PAN2: variants seen among roughly 807,000 people sequenced by gnomAD.
The protein encoded by PAN2 is poly(A) specific ribonuclease subunit PAN2.
PAN2 carries 68 observed loss-of-function variants against 133.3 expected under a neutral mutation model. That is an observed-to-expected ratio of 0.51 (90% CI 0.42 to 0.62). PAN2 has a LOEUF of 0.62. PAN2 is among the 20% of genes least tolerant of loss of function. PAN2 has a pLI of 0.00. For synonymous variants in PAN2, 462 were observed against 544.6 expected (o/e 0.85, Z 2.11); for missense variants, 1,042 against 1,500.5 (o/e 0.69, Z 5.05).
chr12:56,328,770 G>C, intron 2 of PAN2, 129 bp from the exon 3 acceptor site: 1 of 642,264 alleles, frequency 1.6e-6, no homozygotes, highest in Non-Finnish European at 2.7e-6. Flanking sequence ...AGGAGCAACT[G>C]GGGCAAAAGG....
At chr12:56,332,602 A>G (rs1393128375) in intron 2 of PAN2, 145 of 184,088 alleles carry the variant, frequency 7.9e-4, no homozygotes, top group South Asian at 4.6e-3. Context: ...CCTGTCTCGA[A>G]AAAAAAAAAA....
intron 8 of PAN2, among the ~76,000 whole-genome samples, chr12:56,325,971 C>A (rs1231946438): frequency 6.6e-6 from 1 of 152,204 alleles, no homozygotes; most frequent in Non-Finnish European, 1.5e-5. Flanking sequence ...AGCTTAATAC[C>A]CAGCTCTTTC....
Position 56,326,400 on chromosome 12 carries a change from T to C in PAN2, c.1272A>G (p.Pro424=), listed in dbSNP as rs779200134. The C allele has an allele frequency of 2.5e-6, 4 of 1,591,560 alleles. No individual in the cohort carries two copies. Among genetic ancestry groups the C allele is most frequent in the Non-Finnish European group, 3.4e-6 (4 of 1,165,756 alleles). Reference sequence around the variant, plus strand: ...TGCGCAGAATCTCTGCATCCACGGGTGGTGCTCGCCTACAATCCAGCATAG... The same window carrying C: ...TGCGCAGAATCTCTGCATCCACGGGCGGTGCTCGCCTACAATCCAGCATAG... ...ANSAPAPRRA[P]PVDAEILRTM... is the part of the protein sequence containing the mutation. Residue 424 remains proline (P), a synonymous_variant, in exon 8 of 26, where the codon CCA becomes CCG. Coordinates refer to ENST00000440411, the MANE Select transcript of PAN2 (RefSeq NM_014871.6).
Position 56,324,324 on chromosome 12 carries a change from A to G in PAN2, c.1898T>C (p.Ile633Thr). Residue 633 changes from isoleucine (I) to threonine (T), a missense_variant, in exon 12 of 26, where the codon ATA becomes ACA. Ile to Thr is a moderately conservative substitution (Grantham distance 89). This residue lies in a region of PAN2 where 908 missense variants were observed against 1,223.5 expected (regional missense o/e 0.74). Coordinates refer to ENST00000440411, the MANE Select transcript of PAN2 (RefSeq NM_014871.6). ...TCCAGCACCTCGATAAGCCTGTGGT[A>G]TTTCCAGCTCCTGCATATCTTGATG... Reference protein sequence around the residue: ...QLHQDMQELEIPQAYRGAGGS... With the variant: ...QLHQDMQELETPQAYRGAGGS... The G allele has an allele frequency of 6.2e-7, 1 of 1,614,044 alleles. No homozygotes were observed. Among genetic ancestry groups the G allele is most frequent in the Non-Finnish European group, 8.5e-7 (1 of 1,180,024 alleles).
At chr12:56,328,176 C>T in intron 4 of PAN2, 62 bp downstream of exon 4, 1 of 1,596,626 alleles carries the variant, frequency 6.3e-7, no homozygotes, top group Non-Finnish European at 8.6e-7. Context: ...CCAGCCCAAG[C>T]ATACCCTGCC....
chr12:56,322,357 G>A (rs929700580), intron 19 of PAN2, 66 bp downstream of exon 19: 2 of 1,328,800 alleles, frequency 1.5e-6, no homozygotes, highest in African/African-American at 1.4e-5. Flanking sequence ...ATTCTATAGA[G>A]CCCTAAAGAT....
intron 2 of PAN2, among the ~76,000 whole-genome samples, chr12:56,331,701 T>C (rs964928958): frequency 4.5e-5 from 1 of 22,386 alleles, no homozygotes; most frequent in African/African-American, 5.8e-5. Context: ...AAGGACAGCG[T>C]TTTTTTTTTT....
intron 7 of PAN2, 54 bp downstream of exon 7, chr12:56,326,563 A>G (rs1024785083): frequency 1.1e-5 from 17 of 1,544,236 alleles, no homozygotes; most frequent in Admixed American, 5.9e-5. Flanking sequence ...GAATTCTGGT[A>G]TCTTGGCCCT....
At chr12:56,326,499 A>C in intron 7 of PAN2, 90 bp from the exon 8 acceptor site, 1 of 1,510,144 alleles carries the variant, frequency 6.6e-7, no homozygotes, top group African/African-American at 1.4e-5. Flanking sequence ...AAAAGAAAAT[A>C]CTGAAGGTAG....
chr12:56,330,862 G>T (rs943507847), intron 2 of PAN2, among the ~76,000 whole-genome samples: 8 of 151,878 alleles, frequency 5.3e-5, no homozygotes, highest in African/African-American at 1.7e-4. Flanking sequence ...GCAGTGGTGT[G>T]ATCTCAGCTC....
At chr12:56,326,981 A>T in intron 6 of PAN2, 22 bp from the exon 7 acceptor site, 1 of 1,591,890 alleles carries the variant, frequency 6.3e-7, no homozygotes, top group Non-Finnish European at 8.6e-7. Flanking sequence ...GAAGAAACCC[A>T]CTGAGCCCTA....
intron 16 of PAN2, 31 bp downstream of exon 16, chr12:56,323,280 A>G (rs1453258360): frequency 1.9e-5 from 31 of 1,613,884 alleles, no homozygotes; most frequent in Non-Finnish European, 2.5e-5. Context: ...GGGCAATTCA[A>G]TCCTTTGACA....
At chr12:56,322,585 A>G in intron 18 of PAN2, 30 bp downstream of exon 18, 1 of 1,613,794 alleles carries the variant, frequency 6.2e-7, no homozygotes, top group African/African-American at 1.3e-5. Context: ...CCATCCCAGG[A>G]GTGTTCCTGC....
At chr12:56,320,077 A>G in intron 20 of PAN2, 56 bp from the exon 21 acceptor site, 1 of 1,560,556 alleles carries the variant, frequency 6.4e-7, no homozygotes, top group Non-Finnish European at 8.8e-7. Flanking sequence ...ACTAGGGGAG[A>G]GAAGCCCAGT....
At position 56,333,182 on chromosome 12, in the gene PAN2, C is replaced by T. The variant is rs1013856294; in HGVS notation, c.-88G>A. 23 of 1,391,434 alleles carry T rather than the reference C, an allele frequency of 1.7e-5. No individual in the cohort carries two copies. The East Asian group carries it at 4.6e-4, about 28-fold the overall frequency. 86.2% of individuals were successfully genotyped at this position (1,391,434 alleles called of 1,614,324 possible). ...GACCCAACCTTCAGCAAGACAGCAC[C>T]GATGGGCCTAGAATGGACATCCTGG... is the stretch of plus-strand genomic sequence containing the variant. On this transcript the variant is annotated 5_prime_UTR_variant, in exon 2 of 26. Transcript: ENST00000440411.
intron 2 of PAN2, among the ~76,000 whole-genome samples, chr12:56,332,272 A>T (rs1875966992): frequency 6.6e-6 from 1 of 152,188 alleles, no homozygotes; most frequent in Non-Finnish European, 1.5e-5. Flanking sequence ...ACAACTATCA[A>T]GATAAATCAA....
chr12:56,324,043 T>A lies in PAN2; in HGVS notation c.2065+6A>T. On this transcript the variant is annotated splice_donor_region_variant and intron_variant, in intron 13 of 25. Coordinates refer to ENST00000440411, the MANE Select transcript of PAN2 (RefSeq NM_014871.6). ...ACTGAGCTGAAGGGTATACCACTTT[T>A]GCTACCATCAGGGTAGGAGAGTGTG... 1.2e-6 allele frequency: 2 copies of A among 1,614,186 alleles called. No individual in the cohort carries two copies. Among genetic ancestry groups the A allele is most frequent in the East Asian group, 4.5e-5 (2 of 44,884 alleles).
At chr12:56,332,650 T>C (rs907814184) in intron 2 of PAN2, 163 bp downstream of exon 2, 4 of 667,872 alleles carry the variant, frequency 6.0e-6, no homozygotes, top group East Asian at 2.5e-5. Context: ...ATATGTCATT[T>C]ACTCCTAGAT....
chr12:56,321,063 CAAAAAAAA>C (rs757641992), intron 20 of PAN2, among the ~76,000 whole-genome samples: 1 of 59,354 alleles, frequency 1.7e-5, no homozygotes, highest in Non-Finnish European at 3.5e-5. Flanking sequence ...AAACTCTGTC[CAAAAAAAA>C]AAAAAAAAGC....
Sources: gnomAD v4.1 joint callset for allele counts (sites outside exome capture counted in the v4.1 genomes callset) on GRCh38, gnomAD v4.1.1 for gene constraint, gnomAD v4.1.1 regional missense constraint, MANE v1.5 for transcripts, NCBI Gene and HGNC (gene_info 2026-07-23, HGNC 2026-07-21) for gene names.